Variants in AXDND1 observed in about 807,000 individuals in gnomAD.
The protein encoded by AXDND1 is axonemal dynein light chain domain-containing protein 1.
In AXDND1, 110 loss-of-function variants were observed where a neutral mutation model predicts 137.5. The observed-to-expected ratio is 0.80, with a 90% confidence interval of 0.69 to 0.94. The LOEUF is 0.94. AXDND1 is among the 40% of genes least tolerant of loss of function. The pLI is 0.00. For synonymous variants in AXDND1, 414 were observed against 399.7 expected (o/e 1.04, Z -0.43); for missense variants, 1,191 against 1,169.8 (o/e 1.02, Z -0.26).
intron 20 of AXDND1, among the ~76,000 whole-genome samples, chr1:179,504,756 T>C (rs1668367152): frequency 6.6e-6 from 1 of 152,194 alleles, no homozygotes; most frequent in Non-Finnish European, 1.5e-5. Flanking sequence ...TTTGGTCCTC[T>C]GTTAAGCTCT....
chr1:179,479,756 G>A (rs1453426194), intron 17 of AXDND1, among the ~76,000 whole-genome samples: 15 of 151,740 alleles, frequency 9.9e-5, no homozygotes, highest in South Asian at 2.1e-4. Context: ...TAGCCTGGGC[G>A]ACGGAGTGAG....
At chr1:179,417,125 T>G (rs1035813924) in intron 12 of AXDND1, among the ~76,000 whole-genome samples, 8 of 152,212 alleles carry the variant, frequency 5.3e-5, no homozygotes, top group African/African-American at 1.7e-4. Context: ...GTTTGCCATT[T>G]GTATGTCTTC....
intron 20 of AXDND1, among the ~76,000 whole-genome samples, chr1:179,495,800 G>C (rs1329731723): frequency 6.6e-6 from 1 of 150,940 alleles, no homozygotes; most frequent in African/African-American, 2.4e-5. Context: ...GTATTAATTG[G>C]TCATCTTTAA....
intron 21 of AXDND1, among the ~76,000 whole-genome samples, chr1:179,521,084 C>T (rs1203487814): frequency 6.6e-6 from 1 of 152,080 alleles, no homozygotes; most frequent in Non-Finnish European, 1.5e-5. Flanking sequence ...ACCTCAGCCT[C>T]CGGACTATGT....
chr1:179,395,172 A>G lies in AXDND1; in HGVS notation c.1079A>G (p.Gln360Arg). 1 of 1,613,442 alleles carries G rather than the reference A, an allele frequency of 6.2e-7. No individual in the cohort carries two copies. The highest frequency in any genetic ancestry group is 1.3e-5 in the African/African-American group (1 of 75,030). ...GAAAAAGCCCACAAGGATTTGGCAC[A>G]AGCTCTTTTAAATGCGGAAAAGAAT... ...ETEKAHKDLA[Q>R]ALLNAEKNAK... Residue 360 changes from glutamine to arginine, a missense_variant, in exon 11 of 26, where the codon CAA becomes CGA. Coordinates refer to ENST00000367618, the MANE Select transcript of AXDND1 (RefSeq NM_144696.6).
chr1:179,437,236 C>T (rs1031513671), intron 15 of AXDND1, among the ~76,000 whole-genome samples: 1 of 152,076 alleles, frequency 6.6e-6, no homozygotes, highest in Non-Finnish European at 1.5e-5. Flanking sequence ...CTCTAGTGGA[C>T]AAGGACCCTG....
chr1:179,381,804 G>T (rs972028222), intron 6 of AXDND1, among the ~76,000 whole-genome samples: 6 of 151,662 alleles, frequency 4.0e-5, no homozygotes, highest in African/African-American at 1.5e-4. Context: ...TTTGGAGATG[G>T]AGTTTTGCTG....
chr1:179,457,975 C>G (rs1661658265), intron 16 of AXDND1, among the ~76,000 whole-genome samples: 1 of 146,462 alleles, frequency 6.8e-6, no homozygotes, highest in African/African-American at 2.6e-5. Flanking sequence ...TTTTTCTTTT[C>G]TTTTCTTTCC....
intron 24 of AXDND1, 198 bp from the exon 25 acceptor site, chr1:179,534,532 G>T: frequency 1.9e-6 from 1 of 518,452 alleles, no homozygotes; most frequent in East Asian, 3.4e-5. Flanking sequence ...ATAGCAGCAT[G>T]ATTTCTACTC....
intron 9 of AXDND1, among the ~76,000 whole-genome samples, chr1:179,388,643 A>C (rs1283010436): frequency 6.6e-6 from 1 of 151,892 alleles, no homozygotes; most frequent in African/African-American, 2.4e-5. Flanking sequence ...GCTGCAGTGC[A>C]GTGGCACGAT....
chr1:179,425,443 G>C (rs1656402574), intron 12 of AXDND1, among the ~76,000 whole-genome samples: 1 of 152,190 alleles, frequency 6.6e-6, no homozygotes, highest in African/African-American at 2.4e-5. Flanking sequence ...GCAGAGCAAA[G>C]TTTCCAGGCC....
At chr1:179,472,175 G>A (rs113005153) in intron 17 of AXDND1, among the ~76,000 whole-genome samples, 14,106 of 152,156 alleles carry the variant, frequency 0.093, 924 homozygotes, top group African/African-American at 0.17. Context: ...GATTACAGGC[G>A]TGAGCCACTG....
intron 11 of AXDND1, among the ~76,000 whole-genome samples, chr1:179,399,724 C>T (rs554790733): frequency 1.3e-5 from 2 of 151,990 alleles, no homozygotes; most frequent in African/African-American, 2.4e-5. Context: ...TCAAACAAAT[C>T]GGTAAGAAAA....
At chr1:179,534,583 C>A (rs1406075866) in intron 24 of AXDND1, 147 bp from the exon 25 acceptor site, 65 of 1,004,564 alleles carry the variant, frequency 6.5e-5, no homozygotes, top group Non-Finnish European at 8.8e-5. Context: ...CCCCAGTTCT[C>A]AGTTAATCAT....
At chr1:179,468,280 T>C (rs545894607) in intron 16 of AXDND1, among the ~76,000 whole-genome samples, 163 bp from the exon 17 acceptor site, 22 of 152,342 alleles carry the variant, frequency 1.4e-4, no homozygotes, top group African/African-American at 4.1e-4. Flanking sequence ...ATTAAACATT[T>C]ATTTAGGAAC....
At chr1:179,368,445 A>T (rs893740844) in intron 2 of AXDND1, among the ~76,000 whole-genome samples, 4 of 152,190 alleles carry the variant, frequency 2.6e-5, no homozygotes, top group African/African-American at 9.7e-5. Context: ...TGTGATTTTC[A>T]TATGAAAGGG....
intron 25 of AXDND1, among the ~76,000 whole-genome samples, chr1:179,537,606 T>C (rs555802166): frequency 9.8e-5 from 15 of 152,374 alleles, no homozygotes; most frequent in Admixed American, 5.9e-4. Flanking sequence ...AGTATTTTAT[T>C]GAGGATTTTC....
chr1:179,474,054 G>A (rs933580241), intron 17 of AXDND1, among the ~76,000 whole-genome samples: 19 of 151,922 alleles, frequency 1.3e-4, no homozygotes, highest in Admixed American at 4.6e-4. Context: ...TGAAACCCCC[G>A]TCTCTACTAA....
In AXDND1 at chr1:179,488,639, CTTTCTTTCTTTCTTTCTTTCTT is replaced by C. The variant is rs1379165313; in HGVS notation, c.2092-2897_2092-2876del. ...TTCTTTCTCTCTCTCTCTCTCCTTT[CTTTCTTTCTTTCTTTCTTTCTT>C]TCTTTCTTTCTTTCTTTCTTTCTTT... On this transcript the variant is annotated intron_variant, in intron 18 of 25. Transcript: ENST00000367618. Among the ~76,000 whole-genome samples the C allele has an allele frequency of 4.3e-3, 215 of 50,414 alleles. 12 individuals are homozygous for C. Among genetic ancestry groups the C allele is most frequent in the South Asian group, 0.015 (26 of 1,728 alleles). The allele number at this position is 50,414 out of a possible 152,430, so 33.1% of individuals were successfully genotyped here.
Sources: allele counts gnomAD v4.1 joint callset (sites outside exome capture counted in the v4.1 genomes callset), GRCh38; gene constraint gnomAD v4.1.1; transcripts MANE v1.5; gene names NCBI Gene and HGNC (gene_info 2026-07-23, HGNC 2026-07-21).